The following PALM2AKAP2 variants were observed in gnomAD, a reference collection of about 807,000 sequenced individuals.
PALM2AKAP2 encodes the protein PALM2-AKAP2 fusion protein.
A neutral mutation model predicts 71.5 loss-of-function variants in PALM2AKAP2; 37 were observed. The ratio of observed to expected loss-of-function variants is 0.52; its 90% CI spans 0.40 to 0.68. The LOEUF (loss-of-function observed/expected upper bound fraction) is 0.68. PALM2AKAP2 is among the 30% of genes least tolerant of loss of function. The pLI, the probability that PALM2AKAP2 is intolerant of heterozygous loss-of-function variation, is 0.00. For missense variants in PALM2AKAP2, 1,224 were observed against 1,191.8 expected, an observed-to-expected ratio of 1.03 and a Z score of -0.40; for synonymous variants, 468 against 478.8, an observed-to-expected ratio of 0.98 and a Z score of 0.29.
intron 1 of PALM2AKAP2, among the ~76,000 whole-genome samples, chr9:109,723,665 T>C (rs1828436117): frequency 6.6e-6 from 1 of 152,186 alleles, no homozygotes; most frequent in Non-Finnish European, 1.5e-5. Flanking sequence ...GAAAAAGGCA[T>C]TTAACAAGAA....
chr9:110,048,118 C>T (rs1833632395), upstream of PALM2AKAP2, among the ~76,000 whole-genome samples: 1 of 152,216 alleles, frequency 6.6e-6, no homozygotes. Context: ...AGTCCTCAAA[C>T]ACGCGGAGAC....
chr9:109,645,402 A>G (rs530798892), intron 1 of PALM2AKAP2, among the ~76,000 whole-genome samples: 3 of 152,354 alleles, frequency 2.0e-5, no homozygotes. Context: ...TGTGGGAGCT[A>G]CAAGACGAGA....
At chr9:109,882,491 G>A (rs1829874275) in intron 3 of PALM2AKAP2, among the ~76,000 whole-genome samples, 1 of 152,148 alleles carries the variant, frequency 6.6e-6, no homozygotes, top group African/African-American at 2.4e-5. Context: ...CTTTTTCTTA[G>A]AATACAAAGG....
intron 1 of PALM2AKAP2, among the ~76,000 whole-genome samples, chr9:109,678,074 C>T (rs1322687259): frequency 1.3e-5 from 2 of 152,180 alleles, no homozygotes; most frequent in Non-Finnish European, 2.9e-5. Flanking sequence ...TTCAGAATGT[C>T]TAAATGACGA....
At chr9:109,930,795 A>G (rs1211243958) in intron 5 of PALM2AKAP2, among the ~76,000 whole-genome samples, 1 of 152,218 alleles carries the variant, frequency 6.6e-6, no homozygotes, top group East Asian at 1.9e-4. Context: ...GGCAGAGGCT[A>G]TTGAACAGAT....
At chr9:109,936,181 G>C (rs946879571) in intron 6 of PALM2AKAP2, among the ~76,000 whole-genome samples, 1 of 152,056 alleles carries the variant, frequency 6.6e-6, no homozygotes, top group African/African-American at 2.4e-5. Flanking sequence ...ATCAAAAAAG[G>C]GTAATGAGGA....
chr9:109,893,826 G>T (rs544115871), intron 3 of PALM2AKAP2, among the ~76,000 whole-genome samples: 2 of 152,268 alleles, frequency 1.3e-5, no homozygotes, highest in South Asian at 4.1e-4. Flanking sequence ...AAACACTGGG[G>T]CCAGTCGAGG....
chr9:109,848,614 T>G (rs1828927888), intron 1 of PALM2AKAP2, among the ~76,000 whole-genome samples: 1 of 152,022 alleles, frequency 6.6e-6, no homozygotes, highest in Non-Finnish European at 1.5e-5. Context: ...TGCCCATTCA[T>G]TTATGTATTG....
intron 6 of PALM2AKAP2, among the ~76,000 whole-genome samples, chr9:109,962,678 T>C (rs1831874491): frequency 6.6e-6 from 1 of 151,792 alleles, no homozygotes; most frequent in African/African-American, 2.4e-5. Context: ...AGTCTTACTC[T>C]GTCACCCAGG....
chr9:109,700,658 G>A (rs1042260050), intron 1 of PALM2AKAP2, among the ~76,000 whole-genome samples: 1 of 152,146 alleles, frequency 6.6e-6, no homozygotes, highest in South Asian at 2.1e-4. Flanking sequence ...TGTCTCACTG[G>A]AAAGCTTGGG....
intron 1 of PALM2AKAP2, among the ~76,000 whole-genome samples, chr9:109,707,492 G>A (rs1158081269): frequency 2.0e-5 from 3 of 152,150 alleles, no homozygotes; most frequent in African/African-American, 7.2e-5. Flanking sequence ...AGCCAACTTG[G>A]TTTCCAGGGA....
intron 1 of PALM2AKAP2, among the ~76,000 whole-genome samples, chr9:110,092,187 C>T (rs1294279173): frequency 6.6e-6 from 1 of 152,138 alleles, no homozygotes; most frequent in Non-Finnish European, 1.5e-5. Context: ...CAAAAATTAG[C>T]CAGGTGTGGT....
At chr9:110,135,352 T>TA (rs72447322) in intron 1 of PALM2AKAP2, among the ~76,000 whole-genome samples, 3,054 of 76,792 alleles carry the variant, frequency 0.04, 157 homozygotes, top group East Asian at 0.23. Flanking sequence ...CCTCCTTCCT[T>TA]AAAAAAAAAA....
intron 2 of PALM2AKAP2, among the ~76,000 whole-genome samples, chr9:109,877,246 C>T (rs1179153125): frequency 6.6e-6 from 1 of 152,082 alleles, no homozygotes; most frequent in Non-Finnish European, 1.5e-5. Flanking sequence ...GTCCCTACCC[C>T]TCCCAAATAA....
chr9:110,138,348 T>A (rs1378460599), exon 2 of PALM2AKAP2: 1 of 1,613,872 alleles, frequency 6.2e-7, no homozygotes, highest in African/African-American at 1.3e-5. Flanking sequence ...GAATCTGACG[T>A]GATGGTTGGG....
chr9:109,694,658 A>G (rs1488426991), intron 1 of PALM2AKAP2, among the ~76,000 whole-genome samples: 1 of 152,126 alleles, frequency 6.6e-6, no homozygotes, highest in African/African-American at 2.4e-5. Context: ...AATAATGCCA[A>G]AATAAATACT....
At chr9:109,671,462 G>A (rs1442232932) in intron 1 of PALM2AKAP2, among the ~76,000 whole-genome samples, 2 of 152,090 alleles carry the variant, frequency 1.3e-5, no homozygotes, top group African/African-American at 4.8e-5. Flanking sequence ...ATTGGTCTAT[G>A]TGTCTGTTTT....
intron 1 of PALM2AKAP2, among the ~76,000 whole-genome samples, chr9:109,749,997 C>T (rs889777051): frequency 6.6e-6 from 1 of 152,164 alleles, no homozygotes; most frequent in African/African-American, 2.4e-5. Context: ...TTATTGTTCC[C>T]ATGAGTGAAC....
At chr9:109,701,368 A>G (rs1043734636) in intron 1 of PALM2AKAP2, among the ~76,000 whole-genome samples, 3 of 152,214 alleles carry the variant, frequency 2.0e-5, no homozygotes, top group African/African-American at 7.2e-5. Flanking sequence ...AGTAACCAAA[A>G]CAGCATGGTA....
Sources: allele counts gnomAD v4.1 joint callset (sites outside exome capture counted in the v4.1 genomes callset), GRCh38; gene constraint gnomAD v4.1.1; transcripts MANE v1.5; gene names NCBI Gene and HGNC (gene_info 2026-07-23, HGNC 2026-07-21).